Variants in ADAMTS19 observed in about 807,000 individuals in gnomAD.
ADAMTS19 encodes the protein ADAM metallopeptidase with thrombospondin type 1 motif 19.
ADAMTS19 carries 93 observed loss-of-function variants against 153.3 expected under a neutral mutation model. The observed-to-expected ratio is 0.61, with a 90% CI of 0.51 to 0.72. ADAMTS19 has a LOEUF of 0.72. ADAMTS19 is among the 30% of genes least tolerant of loss of function. The pLI, the probability that ADAMTS19 is intolerant of heterozygous loss-of-function variation, is 0.00. For missense variants in ADAMTS19, 1,482 were observed against 1,552.1 expected (o/e 0.95, Z 0.76); for synonymous variants, 600 against 556.6 (o/e 1.08, Z -1.10).
intron 17 of ADAMTS19, among the ~76,000 whole-genome samples, chr5:129,683,858 A>G (rs1378372127): frequency 6.7e-6 from 1 of 149,698 alleles, no homozygotes. Flanking sequence ...CCTCACTCAA[A>G]TGAGCTTTTC....
At chr5:129,527,723 G>A in intron 4 of ADAMTS19, 25 bp from the exon 5 acceptor site, 1 of 1,372,966 alleles carries the variant, frequency 7.3e-7, no homozygotes, top group African/African-American at 1.5e-5. Context: ...TTAATTTTAG[G>A]ATTTTTATTT....
At chr5:129,654,919 TTCTC>T (rs1158156015) in intron 14 of ADAMTS19, among the ~76,000 whole-genome samples, 2 of 152,186 alleles carry the variant, frequency 1.3e-5, no homozygotes, top group Non-Finnish European at 2.9e-5. Context: ...TTATTTGCTT[TTCTC>T]TCTTTTAAAA....
At chr5:129,556,565 G>C (rs115044110) in intron 7 of ADAMTS19, among the ~76,000 whole-genome samples, 4,137 of 152,238 alleles carry the variant, frequency 0.027, 96 homozygotes, top group Middle Eastern at 0.071. Flanking sequence ...GTAGTGGATG[G>C]AATTAAGGCT....
chr5:129,713,379 A>G (rs1057462947), intron 21 of ADAMTS19, among the ~76,000 whole-genome samples: 4 of 152,244 alleles, frequency 2.6e-5, no homozygotes, highest in African/African-American at 9.6e-5. Flanking sequence ...AACCAGGATA[A>G]CTAGAGAAAT....
chr5:129,571,629 A>C (rs1265825858), intron 7 of ADAMTS19, among the ~76,000 whole-genome samples: 1 of 151,746 alleles, frequency 6.6e-6, no homozygotes, highest in African/African-American at 2.4e-5. Flanking sequence ...ACATAATGCA[A>C]ATAAAAATTT....
At chr5:129,700,232 T>G (rs1329334291) in intron 19 of ADAMTS19, among the ~76,000 whole-genome samples, 1 of 152,176 alleles carries the variant, frequency 6.6e-6, no homozygotes, top group Admixed American at 6.5e-5. Context: ...AAAATACGTA[T>G]GTATTAGCTG....
intron 6 of ADAMTS19, among the ~76,000 whole-genome samples, chr5:129,543,052 T>G (rs993015940): frequency 2.0e-5 from 3 of 151,250 alleles, no homozygotes; most frequent in Non-Finnish European, 3.0e-5. Context: ...TGTTTTGTTT[T>G]TTTTTTTTTA....
Position 129,647,890 on chromosome 5 carries a change from T to C in ADAMTS19, c.1998T>C (p.Cys666=). ...GGATCAGCAGTCGAGAGCGCAAATGTCCTGGGTAAACTCAAAGTTCCTGGT... is the reference window on the plus strand; with the variant it reads ...GGATCAGCAGTCGAGAGCGCAAATGCCCTGGGTAAACTCAAAGTTCCTGGT... ...SAGISSRERK[C]PGLDSEARDC... The change falls in exon 12 of 23, where the codon TGT becomes TGC. Residue 666 remains cysteine (C), a synonymous_variant. Coordinates refer to ENST00000274487, the MANE Select transcript of ADAMTS19 (RefSeq NM_133638.6). 1.9e-6 allele frequency: 3 copies of C among 1,611,104 alleles called. No homozygotes were observed. In the South Asian group the frequency reaches 3.3e-5, roughly 18 times the overall value.
intron 3 of ADAMTS19, 131 bp downstream of exon 3, chr5:129,509,373 A>AT (rs1449915943): frequency 3.1e-5 from 26 of 849,670 alleles, no homozygotes; most frequent in Non-Finnish European, 4.4e-5. Flanking sequence ...TAACAATTAA[A>AT]TGTATCAATT....
chr5:129,724,594 G>T (rs1757129666), intron 21 of ADAMTS19, among the ~76,000 whole-genome samples: 1 of 152,110 alleles, frequency 6.6e-6, no homozygotes, highest in Non-Finnish European at 1.5e-5. Context: ...TCATGCCAGG[G>T]GCAGACACAC....
intron 21 of ADAMTS19, among the ~76,000 whole-genome samples, chr5:129,721,805 A>G (rs1165432353): frequency 1.3e-5 from 2 of 151,812 alleles, no homozygotes; most frequent in Non-Finnish European, 2.9e-5. Context: ...CCCTGTGTCC[A>G]TGTATTCTCA....
intron 3 of ADAMTS19, among the ~76,000 whole-genome samples, chr5:129,514,172 C>A (rs1468880075): frequency 1.3e-5 from 2 of 151,936 alleles, no homozygotes; most frequent in Non-Finnish European, 2.9e-5. Flanking sequence ...ACCACATTTT[C>A]TTTATCAGTT....
intron 3 of ADAMTS19, among the ~76,000 whole-genome samples, chr5:129,523,837 A>AATC (rs1751909798): frequency 6.6e-6 from 1 of 152,104 alleles, no homozygotes; most frequent in Admixed American, 6.6e-5. Flanking sequence ...GAGAAAAAAA[A>AATC]ATCATGCTCA....
chr5:129,495,147 C>T (rs527243660), intron 2 of ADAMTS19, among the ~76,000 whole-genome samples: 1 of 151,962 alleles, frequency 6.6e-6, no homozygotes, highest in South Asian at 2.1e-4. Flanking sequence ...TTGTACATTT[C>T]TGAAGGTTTG....
At chr5:129,670,071 G>C (rs1754236057) in intron 16 of ADAMTS19, among the ~76,000 whole-genome samples, 1 of 151,950 alleles carries the variant, frequency 6.6e-6, no homozygotes. Context: ...TTTCTTTACT[G>C]CTCTAATGTG....
At chr5:129,696,557 T>C (rs1755564320) in intron 19 of ADAMTS19, among the ~76,000 whole-genome samples, 1 of 152,202 alleles carries the variant, frequency 6.6e-6, no homozygotes, top group African/African-American at 2.4e-5. Flanking sequence ...ATTGCCAAAG[T>C]TGTGGATCAT....
At chr5:129,638,835 A>G (rs1484289487) in intron 10 of ADAMTS19, among the ~76,000 whole-genome samples, 6 of 152,162 alleles carry the variant, frequency 3.9e-5, no homozygotes, top group African/African-American at 1.4e-4. Context: ...TAATGGAACT[A>G]TTTGCTATAA....
intron 7 of ADAMTS19, among the ~76,000 whole-genome samples, chr5:129,572,381 T>A (rs903122273): frequency 6.6e-6 from 1 of 151,892 alleles, no homozygotes; most frequent in Non-Finnish European, 1.5e-5. Flanking sequence ...TAAAGGTAAA[T>A]ATGCACTTAA....
chr5:129,616,122 T>C (rs1230580732), intron 8 of ADAMTS19, among the ~76,000 whole-genome samples: 1 of 151,978 alleles, frequency 6.6e-6, no homozygotes, highest in Non-Finnish European at 1.5e-5. Flanking sequence ...TTTGTGCAAA[T>C]TGAAATGACT....
Sources: allele counts gnomAD v4.1 joint callset (sites outside exome capture counted in the v4.1 genomes callset), GRCh38; gene constraint gnomAD v4.1.1; transcripts MANE v1.5; gene names NCBI Gene and HGNC (gene_info 2026-07-23, HGNC 2026-07-21).